USP50: variants seen among roughly 807,000 people sequenced by gnomAD.
USP50 encodes ubiquitin specific peptidase 50.
A neutral mutation model predicts 39.2 loss-of-function variants in USP50; 37 were observed. That is an observed-to-expected ratio of 0.94 (90% CI 0.73 to 1.24). The LOEUF is 1.24. USP50 is among the 50% of genes most tolerant of loss of function. The probability of loss-of-function intolerance (pLI) is 0.00; values close to 1 mark genes in which losing one functional copy is unlikely to be tolerated. For synonymous variants in USP50, 139 were observed against 144.5 expected (o/e 0.96, Z 0.27); for missense variants, 374 against 398.2 (o/e 0.94, Z 0.52).
intron 6 of USP50, among the ~76,000 whole-genome samples, chr15:50,515,965 G>T (rs2052800523): frequency 6.6e-6 from 1 of 152,128 alleles, no homozygotes; most frequent in Non-Finnish European, 1.5e-5. Context: ...TAAAGCTAAC[G>T]TATCAATCAA....
chr15:50,499,848 A>G (rs1362695716), downstream of USP50: 1 of 152,194 alleles, frequency 6.6e-6, no homozygotes, highest in Non-Finnish European at 1.5e-5. Flanking sequence ...CATAGATTTT[A>G]TATACACACG....
At chr15:50,525,033 GTGTC>G (rs1472215974) in intron 6 of USP50, among the ~76,000 whole-genome samples, 1 of 152,176 alleles carries the variant, frequency 6.6e-6, no homozygotes, top group African/African-American at 2.4e-5. Context: ...ATCAAACTAA[GTGTC>G]TGTCAGTGGA....
intron 6 of USP50, among the ~76,000 whole-genome samples, chr15:50,525,481 T>C (rs2052881244): frequency 6.7e-6 from 1 of 150,300 alleles, no homozygotes; most frequent in Admixed American, 6.7e-5. Context: ...TGTGTGTGTG[T>C]ATATATATGT....
chr15:50,493,191 G>C (rs1166248951), downstream of USP50: 1 of 527,892 alleles, frequency 1.9e-6, no homozygotes, highest in Non-Finnish European at 3.6e-6. Context: ...ACCTAATCCT[G>C]TTCACCCGGG....
downstream of USP50, chr15:50,493,203 G>C: frequency 1.9e-6 from 1 of 519,076 alleles, no homozygotes; most frequent in Non-Finnish European, 3.7e-6. Context: ...TCACCCGGGA[G>C]GGGAGCCCTC....
downstream of USP50, chr15:50,498,384 C>A: frequency 1.8e-6 from 1 of 541,332 alleles, no homozygotes; most frequent in Non-Finnish European, 3.1e-6. Context: ...TGACCTTAGG[C>A]ACATCATTAA....
intron 5 of USP50, among the ~76,000 whole-genome samples, chr15:50,531,700 G>C (rs967780058): frequency 1.3e-5 from 2 of 152,058 alleles, no homozygotes; most frequent in African/African-American, 2.4e-5. Context: ...TAAACTAATG[G>C]GGCCCCAGGA....
At chr15:50,532,394 C>G (rs953942186) in intron 5 of USP50, among the ~76,000 whole-genome samples, 6 of 152,146 alleles carry the variant, frequency 3.9e-5, no homozygotes, top group Non-Finnish European at 8.8e-5. Context: ...CCACTCTAGC[C>G]ATCCTGTTCC....
chr15:50,496,099 TAGAG>T (rs779791776), downstream of USP50: 6 of 1,561,870 alleles, frequency 3.8e-6, no homozygotes, highest in Non-Finnish European at 5.2e-6. Flanking sequence ...GTTTAAGAAG[TAGAG>T]AGAAAATGAT....
At chr15:50,542,481 ATTTTTTTTT>A (rs11292495) in intron 3 of USP50, among the ~76,000 whole-genome samples, 1 of 97,396 alleles carries the variant, frequency 1.0e-5, no homozygotes, top group African/African-American at 4.0e-5. Flanking sequence ...TTTCCTTTTC[ATTTTTTTTT>A]TTTTTTTTTT....
chr15:50,537,696 C>CA (rs993976327), intron 5 of USP50, among the ~76,000 whole-genome samples: 6 of 149,362 alleles, frequency 4.0e-5, no homozygotes, highest in South Asian at 2.1e-4. Context: ...CTGTCTCTAC[C>CA]AAAAAAAATA....
chr15:50,511,584 C>G (rs1055956421), intron 6 of USP50: 6 of 152,024 alleles, frequency 3.9e-5, no homozygotes, highest in African/African-American at 1.4e-4. Context: ...TATTATTTGG[C>G]AATAAAAAGG....
chr15:50,538,998 C>T lies in USP50; in HGVS notation c.661-147G>A, dbSNP rs572513557. On this transcript the variant is annotated intron_variant, in intron 4 of 6. Coordinates refer to ENST00000532404, the MANE Select transcript of USP50 (RefSeq NM_203494.5). ...ACAAATCCAGAAGACAACAGTCTCA[C>T]TAGCTGCAGCCAGATACCTGTAAAA... The T allele has an allele frequency of 2.9e-5, 23 of 806,166 alleles. No individual in the cohort carries two copies. In the African/African-American group the frequency reaches 3.3e-4, roughly 12 times the overall value. 49.9% of individuals were successfully genotyped at this position (806,166 alleles called of 1,614,324 possible).
chr15:50,504,856 C>T (rs1218472273), intron 6 of USP50: 1 of 151,968 alleles, frequency 6.6e-6, no homozygotes, highest in Non-Finnish European at 1.5e-5. Flanking sequence ...GTGGCGTGCA[C>T]CTGTAATCCC....
intron 6 of USP50, among the ~76,000 whole-genome samples, chr15:50,529,225 A>T (rs1285410453): frequency 6.6e-6 from 1 of 151,950 alleles, no homozygotes; most frequent in African/African-American, 2.4e-5. Context: ...TAAAGCTATC[A>T]GAGGCTGGGC....
At chr15:50,537,185 G>GAA (rs1314774677) in intron 5 of USP50, among the ~76,000 whole-genome samples, 1 of 151,598 alleles carries the variant, frequency 6.6e-6, no homozygotes, top group Non-Finnish European at 1.5e-5. Flanking sequence ...ATACAATGGA[G>GAA]AAAAGATGAC....
At chr15:50,501,638 G>A (rs924155160) in intron 6 of USP50, 6 of 151,900 alleles carry the variant, frequency 3.9e-5, no homozygotes, top group Non-Finnish European at 7.4e-5. Flanking sequence ...CCCCCATAGG[G>A]TACAAAAAAT....
chr15:50,493,379 A>G, downstream of USP50: 1 of 519,564 alleles, frequency 1.9e-6, no homozygotes, highest in Non-Finnish European at 3.8e-6. Context: ...TCAAGAACCC[A>G]TTTTACCTTT....
rs750724678 is a variant in USP50 at position 50,544,672 on chromosome 15, C to T, written c.163G>A (p.Val55Met). Reference sequence around the variant, plus strand: ...CAGAGACACTGTGAGATGGCATTCACGCAGCATGTGTTGCCCAAGTTCCAC... The same window carrying T: ...CAGAGACACTGTGAGATGGCATTCATGCAGCATGTGTTGCCCAAGTTCCAC... ...GLWNLGNTCC[V>M]NAISQCLCSI... The change falls in exon 2 of 7, where the codon GTG becomes ATG. Residue 55 changes from valine (V) to methionine (M), a missense_variant. By Grantham distance (21) the Val-to-Met change is conservative (BLOSUM62 1). Transcript: ENST00000532404. 8.9e-5 allele frequency: 143 copies of T among 1,613,826 alleles called. No individual in the cohort carries two copies. In the Admixed American group the frequency reaches 1.9e-3, roughly 22 times the overall value.
Sources: allele counts gnomAD v4.1 joint callset (sites outside exome capture counted in the v4.1 genomes callset), GRCh38; gene constraint gnomAD v4.1.1; transcripts MANE v1.5; gene names NCBI Gene and HGNC (gene_info 2026-07-23, HGNC 2026-07-21).